The following RAB1A variants were observed in gnomAD, a reference collection of about 807,000 sequenced individuals.
The protein encoded by RAB1A is ras-related protein Rab-1A.
Under a neutral mutation model 26.0 loss-of-function variants are expected in RAB1A, and 2 were observed. The ratio of observed to expected loss-of-function variants is 0.08; its 90% CI spans 0.03 to 0.24. The LOEUF (loss-of-function observed/expected upper bound fraction) is 0.24, where lower values mean the gene tolerates loss of function less well. RAB1A is among the 10% of genes least tolerant of loss of function. The pLI is 1.00. For missense variants in RAB1A, 100 were observed against 247.0 expected, an observed-to-expected ratio of 0.40 and a Z score of 3.99; for synonymous variants, 84 against 84.9, an observed-to-expected ratio of 0.99 and a Z score of 0.06.
At chr2:65,105,769 C>CTT (rs375474499) in intron 1 of RAB1A, among the ~76,000 whole-genome samples, 2 of 146,478 alleles carry the variant, frequency 1.4e-5, no homozygotes, top group Non-Finnish European at 3.0e-5. Flanking sequence ...GAAAACCAAG[C>CTT]TTTTTTTTTT....
chr2:65,121,793 G>C (rs899720919), intron 1 of RAB1A, among the ~76,000 whole-genome samples: 2 of 145,550 alleles, frequency 1.4e-5, no homozygotes, highest in African/African-American at 4.9e-5. Flanking sequence ...AGCGGGGGCC[G>C]GGGGGGAGTC....
chr2:65,093,593 G>A (rs1321527308), intron 3 of RAB1A, among the ~76,000 whole-genome samples: 2 of 151,366 alleles, frequency 1.3e-5, no homozygotes, highest in African/African-American at 4.8e-5. Context: ...AAGAGGAAAT[G>A]ATAGGATTAA....
intron 1 of RAB1A, chr2:65,106,383 CAA>C: frequency 2.9e-6 from 1 of 341,030 alleles, no homozygotes; most frequent in Non-Finnish European, 5.7e-6. Flanking sequence ...TACATGTAAA[CAA>C]GACATAAAAC....
chr2:65,122,045 A>C (rs1669973903), intron 1 of RAB1A, among the ~76,000 whole-genome samples: 1 of 151,738 alleles, frequency 6.6e-6, no homozygotes, highest in African/African-American at 2.4e-5. Flanking sequence ...AGTCCCAGTT[A>C]CTCAGGAGGC....
intron 4 of RAB1A, 77 bp downstream of exon 4, chr2:65,090,906 T>C: frequency 1.1e-6 from 1 of 918,538 alleles, no homozygotes; most frequent in Non-Finnish European, 1.6e-6. Context: ...ATATATGAAG[T>C]AGTAAATGAA....
chr2:65,102,940 A>G (rs1669465644), intron 2 of RAB1A, among the ~76,000 whole-genome samples: 1 of 151,828 alleles, frequency 6.6e-6, no homozygotes, highest in South Asian at 2.1e-4. Flanking sequence ...AAAAAAAAAG[A>G]AATGGTGTTC....
At chr2:65,115,832 A>C (rs1408933338) in intron 1 of RAB1A, among the ~76,000 whole-genome samples, 1 of 152,196 alleles carries the variant, frequency 6.6e-6, no homozygotes, top group Non-Finnish European at 1.5e-5. Context: ...TCCAGGTTCC[A>C]ATATAGTTCT....
chr2:65,094,283 T>C (rs1376120289), intron 3 of RAB1A, among the ~76,000 whole-genome samples: 1 of 152,092 alleles, frequency 6.6e-6, no homozygotes, highest in African/African-American at 2.4e-5. Context: ...GCCCCTATTT[T>C]AATTAAAAAC....
At chr2:65,092,954 G>T (rs7569297) in intron 3 of RAB1A, among the ~76,000 whole-genome samples, 1 of 152,078 alleles carries the variant, frequency 6.6e-6, no homozygotes, top group Non-Finnish European at 1.5e-5. Flanking sequence ...ACACTCTCTC[G>T]CCTCCTGCCA....
At chr2:65,103,318 T>G (rs1669480737) in intron 2 of RAB1A, among the ~76,000 whole-genome samples, 1 of 34,034 alleles carries the variant, frequency 2.9e-5, no homozygotes, top group African/African-American at 1.1e-4. Flanking sequence ...AAAAAAACAT[T>G]GTTTTATGTG....
intron 3 of RAB1A, among the ~76,000 whole-genome samples, chr2:65,095,695 C>A (rs375446836): frequency 6.7e-6 from 1 of 150,330 alleles, no homozygotes; most frequent in Non-Finnish European, 1.5e-5. Flanking sequence ...CTAGCTATTT[C>A]GAAAAAATGG....
At chr2:65,127,553 C>A (rs1233611501) in intron 1 of RAB1A, among the ~76,000 whole-genome samples, 1 of 152,046 alleles carries the variant, frequency 6.6e-6, no homozygotes, top group Non-Finnish European at 1.5e-5. Context: ...ATGGAGAAAC[C>A]CCGTCTCTAC....
Position 65,098,836 on chromosome 2 carries a change from C to CT in RAB1A, c.97-771dup, listed in dbSNP as rs70943624. On this transcript the variant is annotated intron_variant, in intron 2 of 5. Transcript: ENST00000409784. ...CATGTTGTACCATGTAACAGTACTTCTTTTTTTTTTTTTTTTTGAGGCAGG... is the reference window on the plus strand; with the variant it reads ...CATGTTGTACCATGTAACAGTACTTCTTTTTTTTTTTTTTTTTTGAGGCAGG... Among the ~76,000 whole-genome samples the CT allele has an allele frequency of 1.2e-3, 124 of 103,392 alleles. 2 individuals are homozygous for CT. The highest frequency in any genetic ancestry group is 5.2e-3 in the Admixed American group (45 of 8,580). 67.8% of individuals were successfully genotyped at this position (103,392 alleles called of 152,430 possible). A position where few individuals can be genotyped will look rare whatever the true frequency, so the allele number is the denominator to read the frequency against.
intron 2 of RAB1A, among the ~76,000 whole-genome samples, chr2:65,102,418 C>T (rs1669451920): frequency 6.6e-6 from 1 of 151,942 alleles, no homozygotes; most frequent in South Asian, 2.1e-4. Context: ...TATCGGCACT[C>T]ATCAGAAAAG....
At chr2:65,109,870 G>A (rs896742060) in intron 1 of RAB1A, among the ~76,000 whole-genome samples, 5 of 151,818 alleles carry the variant, frequency 3.3e-5, no homozygotes, top group African/African-American at 7.3e-5. Flanking sequence ...TTCTACCCTC[G>A]AGAAGTTTGG....
chr2:65,113,535 T>C (rs754999367), intron 1 of RAB1A, among the ~76,000 whole-genome samples: 17 of 152,052 alleles, frequency 1.1e-4, no homozygotes, highest in South Asian at 4.1e-4. Flanking sequence ...ATAAAAAATA[T>C]AAAAATTAAA....
intron 1 of RAB1A, among the ~76,000 whole-genome samples, chr2:65,117,711 C>T (rs1213595286): frequency 1.3e-5 from 2 of 149,420 alleles, no homozygotes; most frequent in East Asian, 2.0e-4. Flanking sequence ...GGACCACAGG[C>T]GCGTGCCACC....
In RAB1A at chr2:65,130,020, TC is replaced by T; in HGVS notation, c.-106del. ...GAAAGAAAGGAATGAGATAGGCTGT[TC>T]CGGGAGAGCAAACGTCTTCCCCTAC... On this transcript the variant is annotated 5_prime_UTR_variant, in exon 1 of 6. Coordinates refer to ENST00000409784, the MANE Select transcript of RAB1A (RefSeq NM_004161.5). The T allele has an allele frequency of 7.8e-7, 1 of 1,285,738 alleles. No homozygotes were observed. The highest frequency in any genetic ancestry group is 1.1e-6 in the Non-Finnish European group (1 of 908,352). The allele number at this position is 1,285,738 out of a possible 1,614,324, so 79.6% of individuals were successfully genotyped here.
In RAB1A at chr2:65,088,474, A is replaced by T. The variant is rs1669089442; in HGVS notation, c.*19T>A. The T allele has an allele frequency of 6.3e-7, 1 of 1,579,168 alleles. No homozygotes were observed. ...CAGATTGCAAATTCATTGCTGTGAG[A>T]AAAGGATGGAGGCAAATTTTAGCAG... On this transcript the variant is annotated 3_prime_UTR_variant, in exon 6 of 6. Coordinates refer to ENST00000409784, the MANE Select transcript of RAB1A (RefSeq NM_004161.5).
Sources: allele counts gnomAD v4.1 joint callset (sites outside exome capture counted in the v4.1 genomes callset), GRCh38; gene constraint gnomAD v4.1.1; transcripts MANE v1.5; gene names NCBI Gene and HGNC (gene_info 2026-07-23, HGNC 2026-07-21).